ARNT2: variants seen among roughly 807,000 people sequenced by gnomAD.
ARNT2 encodes the protein ARNT protein 2.
ARNT2 carries 36 observed loss-of-function variants against 91.7 expected under a neutral mutation model. The ratio of observed to expected loss-of-function variants is 0.39; its 90% confidence interval spans 0.30 to 0.52. The LOEUF is 0.52. ARNT2 is among the 20% of genes least tolerant of loss of function. The pLI is 0.72. For synonymous variants in ARNT2, 365 were observed against 347.1 expected, an observed-to-expected ratio of 1.05 and a Z score of -0.57; for missense variants, 775 against 939.3, an observed-to-expected ratio of 0.83 and a Z score of 2.29.
chr15:80,412,567 T>C (rs1406186789), intron 1 of ARNT2, among the ~76,000 whole-genome samples: 2 of 152,204 alleles, frequency 1.3e-5, no homozygotes, highest in African/African-American at 2.4e-5. Context: ...CATCCCTTTT[T>C]TCCCTTCATT....
At chr15:80,450,777 GCT>G in intron 1 of ARNT2, 101 bp from the exon 2 acceptor site, 1 of 1,136,898 alleles carries the variant, frequency 8.8e-7, no homozygotes, top group Non-Finnish European at 1.3e-6. Flanking sequence ...AGGTCCCTGG[GCT>G]CTCTGCGCAG....
chr15:80,498,426 T>C (rs1897148192), intron 5 of ARNT2, among the ~76,000 whole-genome samples: 1 of 152,224 alleles, frequency 6.6e-6, no homozygotes, highest in South Asian at 2.1e-4. Context: ...GTGACCATAT[T>C]GTATATATAG....
At chr15:80,410,209 G>A (rs1895660572) in intron 1 of ARNT2, among the ~76,000 whole-genome samples, 1 of 152,182 alleles carries the variant, frequency 6.6e-6, no homozygotes, top group Admixed American at 6.5e-5. Flanking sequence ...GAGTTATACT[G>A]GGGGCAGGGA....
At chr15:80,442,132 A>G (rs983568152) in intron 1 of ARNT2, among the ~76,000 whole-genome samples, 11 of 152,208 alleles carry the variant, frequency 7.2e-5, no homozygotes, top group African/African-American at 2.7e-4. Context: ...AAGACCAGAA[A>G]TCTCCAGGGA....
intron 5 of ARNT2, among the ~76,000 whole-genome samples, chr15:80,487,203 C>A (rs527927273): frequency 7.2e-5 from 11 of 152,202 alleles, no homozygotes; most frequent in African/African-American, 2.7e-4. Flanking sequence ...CATCTCTCTT[C>A]GCCTGCCTTT....
chr15:80,468,809 C>G (rs1251967142), intron 3 of ARNT2, among the ~76,000 whole-genome samples: 2 of 152,240 alleles, frequency 1.3e-5, no homozygotes, highest in African/African-American at 4.8e-5. Context: ...CTCTACCACT[C>G]CTCCCCTCAT....
intron 8 of ARNT2, among the ~76,000 whole-genome samples, chr15:80,536,651 A>G (rs1336445568): frequency 2.0e-5 from 3 of 152,190 alleles, no homozygotes; most frequent in Non-Finnish European, 4.4e-5. Flanking sequence ...AACCTTACCG[A>G]GGACTTCCTT....
chr15:80,514,044 C>A, intron 7 of ARNT2, 68 bp downstream of exon 7: 1 of 1,454,636 alleles, frequency 6.9e-7, no homozygotes, highest in South Asian at 1.2e-5. Context: ...CTAAGCTAAG[C>A]AGCCTAGATT....
rs1261656920 is a variant in ARNT2, at chr15:80,594,555, A to C, written c.*857A>C. ...TCTTTGGTCCAAGCCTCTGGTGCAG[A>C]TTCAAGCTCCTCCTCTTAGAGGAAG... is the stretch of plus-strand genomic sequence containing the variant. On this transcript the variant is annotated 3_prime_UTR_variant, in exon 19 of 19. Transcript: ENST00000303329. 1 of 152,278 alleles carries C rather than the reference A, an allele frequency of 6.6e-6. No homozygotes were observed. The highest frequency in any genetic ancestry group is 2.4e-5 in the African/African-American group (1 of 41,440). 9.4% of individuals were successfully genotyped at this position (152,278 alleles called of 1,614,324 possible).
chr15:80,561,173 C>T (rs1456407433), intron 11 of ARNT2, among the ~76,000 whole-genome samples: 1 of 152,322 alleles, frequency 6.6e-6, no homozygotes, highest in East Asian at 1.9e-4. Context: ...GAATAGACCA[C>T]AAGTGTGGCG....
intron 8 of ARNT2, 57 bp from the exon 9 acceptor site, chr15:80,551,142 C>G: frequency 6.5e-7 from 1 of 1,534,440 alleles, no homozygotes; most frequent in Non-Finnish European, 9.0e-7. Flanking sequence ...GGACACTTTT[C>G]TTCTTTCCCA....
chr15:80,592,623 C>T (rs1286406070), intron 18 of ARNT2, among the ~76,000 whole-genome samples: 1 of 152,228 alleles, frequency 6.6e-6, no homozygotes, highest in Non-Finnish European at 1.5e-5. Flanking sequence ...CAGACAAAGG[C>T]CTGGGACTCA....
chr15:80,478,061 C>T (rs1211980554), intron 5 of ARNT2, among the ~76,000 whole-genome samples: 2 of 152,186 alleles, frequency 1.3e-5, no homozygotes, highest in African/African-American at 4.8e-5. Flanking sequence ...CCCCATTCTC[C>T]TGCCTGAATT....
At chr15:80,528,108 C>G (rs1430931509) in intron 8 of ARNT2, among the ~76,000 whole-genome samples, 1 of 152,142 alleles carries the variant, frequency 6.6e-6, no homozygotes, top group Non-Finnish European at 1.5e-5. Flanking sequence ...ACTAGGGCAG[C>G]AGCCGTGCAC....
intron 1 of ARNT2, among the ~76,000 whole-genome samples, chr15:80,429,337 A>T (rs1358080767): frequency 1.3e-5 from 2 of 152,184 alleles, no homozygotes; most frequent in Non-Finnish European, 2.9e-5. Flanking sequence ...CTAGTGGCCA[A>T]TGATTTAATC....
At chr15:80,464,348 C>T (rs1441591249) in intron 3 of ARNT2, among the ~76,000 whole-genome samples, 3 of 152,066 alleles carry the variant, frequency 2.0e-5, no homozygotes, top group Non-Finnish European at 2.9e-5. Context: ...GGATCGATTG[C>T]AGTCAGTGCT....
chr15:80,418,037 A>G (rs1895811806), intron 1 of ARNT2, among the ~76,000 whole-genome samples: 1 of 152,228 alleles, frequency 6.6e-6, no homozygotes, highest in Non-Finnish European at 1.5e-5. Flanking sequence ...CCTGGCACAC[A>G]GTAGGTGCTC....
intron 3 of ARNT2, among the ~76,000 whole-genome samples, chr15:80,463,475 TTA>T (rs1896591836): frequency 6.6e-6 from 1 of 151,648 alleles, no homozygotes; most frequent in African/African-American, 2.4e-5. Flanking sequence ...CTTCAGTGGG[TTA>T]GGGTTAGGGT....
In ARNT2 at chr15:80,551,295, C is replaced by A. The variant is rs748399913; in HGVS notation, c.954+20C>A. 1 of 1,604,126 alleles carries A rather than the reference C, an allele frequency of 6.2e-7. No homozygotes were observed. Among genetic ancestry groups the A allele is most frequent in the Admixed American group, 1.7e-5 (1 of 59,974 alleles). On this transcript the variant is annotated intron_variant, in intron 9 of 18. Coordinates refer to ENST00000303329, the MANE Select transcript of ARNT2 (RefSeq NM_014862.4). ...CTCCAGGTAAGAAAAAATTCGTAGC[C>A]TTTTTAATCTTAAATGAAGGCTTAT...
Sources: allele counts gnomAD v4.1 joint callset (sites outside exome capture counted in the v4.1 genomes callset), GRCh38; gene constraint gnomAD v4.1.1; transcripts MANE v1.5; gene names NCBI Gene and HGNC (gene_info 2026-07-23, HGNC 2026-07-21).